Variants in MUSK observed in about 807,000 individuals in gnomAD.
MUSK encodes the protein muscle, skeletal receptor tyrosine-protein kinase.
MUSK carries 55 observed loss-of-function variants against 88.7 expected under a neutral mutation model. The ratio of observed to expected loss-of-function variants is 0.62; its 90% CI spans 0.50 to 0.78. The LOEUF (loss-of-function observed/expected upper bound fraction) is 0.78. MUSK is among the 30% of genes least tolerant of loss of function. The probability of loss-of-function intolerance (pLI) is 0.00; values close to 1 mark genes in which losing one functional copy is unlikely to be tolerated. For synonymous variants in MUSK, 387 were observed against 391.9 expected (o/e 0.99, Z 0.15); for missense variants, 1,015 against 1,074.3 (o/e 0.94, Z 0.77).
intron 5 of MUSK, among the ~76,000 whole-genome samples, chr9:110,716,451 T>G (rs2076745160): frequency 6.7e-6 from 1 of 150,128 alleles, no homozygotes; most frequent in African/African-American, 2.5e-5. Flanking sequence ...CAAGGATAAC[T>G]TAAACTGAGA....
At chr9:110,747,469 T>C (rs1157141570) in intron 6 of MUSK, among the ~76,000 whole-genome samples, 172 bp from the exon 7 acceptor site, 1 of 152,212 alleles carries the variant, frequency 6.6e-6, no homozygotes, top group Non-Finnish European at 1.5e-5. Flanking sequence ...AGGGAAGAGC[T>C]ACAAAGTCAC....
At chr9:110,729,083 T>C (rs1307603957) in intron 5 of MUSK, among the ~76,000 whole-genome samples, 1 of 151,714 alleles carries the variant, frequency 6.6e-6, no homozygotes, top group Admixed American at 6.6e-5. Context: ...TGGGGGGCTT[T>C]ACAGTCTTTG....
At chr9:110,752,344 C>T (rs894248020) in intron 7 of MUSK, among the ~76,000 whole-genome samples, 1 of 152,202 alleles carries the variant, frequency 6.6e-6, no homozygotes, top group Admixed American at 6.5e-5. Context: ...ATCCTTGGAG[C>T]CTCTTTCATT....
chr9:110,691,217 G>T (rs1342134599), intron 3 of MUSK, among the ~76,000 whole-genome samples: 1 of 152,016 alleles, frequency 6.6e-6, no homozygotes, highest in Non-Finnish European at 1.5e-5. Flanking sequence ...TCACCCACTG[G>T]AAGTAGTCTG....
At chr9:110,760,495 GT>G (rs2131922547) in intron 7 of MUSK, among the ~76,000 whole-genome samples, 1 of 152,134 alleles carries the variant, frequency 6.6e-6, no homozygotes, top group Admixed American at 6.5e-5. Flanking sequence ...CCACTTATAA[GT>G]GGGAGCTAAA....
At chr9:110,742,060 C>T (rs2077107226) in intron 6 of MUSK, among the ~76,000 whole-genome samples, 1 of 152,132 alleles carries the variant, frequency 6.6e-6, no homozygotes, top group African/African-American at 2.4e-5. Flanking sequence ...TTTCAAGTGT[C>T]ATTTAAAATT....
In MUSK at chr9:110,801,769, G is replaced by C. The variant is rs2132071612; in HGVS notation, c.*781G>C. 6.6e-6 allele frequency: 1 copy of C among 151,992 alleles called. No individual in the cohort carries two copies. The highest frequency in any genetic ancestry group is 6.5e-5 in the Admixed American group (1 of 15,278). The allele number at this position is 151,992 out of a possible 1,614,324, so 9.4% of individuals were successfully genotyped here. ...TACCTTTTCCTTTAAAAATTGTATT[G>C]GTATCTTTTCCATTGCTTTAATCTT... On this transcript the variant is annotated 3_prime_UTR_variant, in exon 15 of 15. Coordinates refer to ENST00000374448, the MANE Select transcript of MUSK (RefSeq NM_005592.4).
chr9:110,731,947 C>CTTCCCGATTACTATA (rs1554745967), intron 5 of MUSK, among the ~76,000 whole-genome samples: 3 of 151,336 alleles, frequency 2.0e-5, no homozygotes, highest in Admixed American at 6.6e-5. Context: ...AAAATAAAAC[C>CTTCCCGATTACTATA]TTTCCAAGAA....
chr9:110,720,842 A>G (rs1375796260), intron 5 of MUSK, among the ~76,000 whole-genome samples: 1 of 152,158 alleles, frequency 6.6e-6, no homozygotes, highest in Non-Finnish European at 1.5e-5. Context: ...AAAATTCTCA[A>G]CAAAGTACTA....
intron 14 of MUSK, among the ~76,000 whole-genome samples, chr9:110,798,224 T>C (rs1467487947): frequency 2.6e-5 from 4 of 152,208 alleles, no homozygotes; most frequent in Admixed American, 2.6e-4. Flanking sequence ...ATCCATAAAA[T>C]TCACTTCTAT....
chr9:110,748,295 C>T (rs1263274387), intron 7 of MUSK, among the ~76,000 whole-genome samples: 1 of 150,396 alleles, frequency 6.6e-6, no homozygotes, highest in Non-Finnish European at 1.5e-5. Flanking sequence ...CTTTCCAAGT[C>T]TCTCATGGAG....
At chr9:110,687,819 C>T (rs1467792641) in intron 3 of MUSK, among the ~76,000 whole-genome samples, 1 of 152,080 alleles carries the variant, frequency 6.6e-6, no homozygotes, top group Non-Finnish European at 1.5e-5. Context: ...ATTTTCTTAC[C>T]TTCACTCATC....
chr9:110,776,541 G>A (rs955895000), intron 10 of MUSK, 91 bp from the exon 11 acceptor site: 28 of 1,018,158 alleles, frequency 2.8e-5, no homozygotes, highest in Non-Finnish European at 4.1e-5. Context: ...AGCTGAGAGA[G>A]AACTTGCATT....
At chr9:110,729,429 G>A (rs997711705) in intron 5 of MUSK, among the ~76,000 whole-genome samples, 3 of 151,154 alleles carry the variant, frequency 2.0e-5, no homozygotes, top group Non-Finnish European at 4.4e-5. Flanking sequence ...TGATATTTGG[G>A]GGATGAAATT....
intron 5 of MUSK, 145 bp downstream of exon 5, chr9:110,697,611 TATG>T (rs1269442645): frequency 2.4e-6 from 2 of 824,808 alleles, no homozygotes; most frequent in Non-Finnish European, 3.4e-6. Context: ...AGTTCAAGCG[TATG>T]ATAACAGAAA....
chr9:110,715,536 G>A (rs540972211), intron 5 of MUSK, among the ~76,000 whole-genome samples: 1 of 148,900 alleles, frequency 6.7e-6, no homozygotes, highest in Non-Finnish European at 1.5e-5. Context: ...CCCTGCAATG[G>A]TGTTCTTATT....
intron 5 of MUSK, among the ~76,000 whole-genome samples, chr9:110,728,454 G>C (rs1023422523): frequency 6.6e-6 from 1 of 152,048 alleles, no homozygotes; most frequent in Admixed American, 6.6e-5. Context: ...GTATAATACT[G>C]CCTGGCTAAA....
chr9:110,776,779 A>G, intron 11 of MUSK, 124 bp downstream of exon 11: 1 of 789,010 alleles, frequency 1.3e-6, no homozygotes, highest in Admixed American at 2.7e-5. Context: ...AAGTCTTCTC[A>G]CCATACTCAT....
intron 3 of MUSK, among the ~76,000 whole-genome samples, chr9:110,687,934 C>T (rs1404712221): frequency 6.6e-6 from 1 of 152,120 alleles, no homozygotes; most frequent in Admixed American, 6.6e-5. Context: ...TTTCTAACCT[C>T]TTTGCAGACA....
Sources: gnomAD v4.1 joint callset for allele counts (sites outside exome capture counted in the v4.1 genomes callset) on GRCh38, gnomAD v4.1.1 for gene constraint, MANE v1.5 for transcripts, NCBI Gene and HGNC (gene_info 2026-07-23, HGNC 2026-07-21) for gene names.